Variants in TAOK1 observed in about 807,000 individuals in gnomAD.
The protein encoded by TAOK1 is TAO kinase 1.
Under a neutral mutation model 138.3 loss-of-function variants are expected in TAOK1, and 21 were observed. The observed-to-expected ratio is 0.15, with a 90% CI of 0.11 to 0.22. TAOK1 has a LOEUF of 0.22. Ranked by LOEUF, TAOK1 falls within the 10% of genes least tolerant of loss-of-function variation. The probability of loss-of-function intolerance (pLI) is 1.00; values close to 1 mark genes in which losing one functional copy is unlikely to be tolerated. For missense variants in TAOK1, 651 were observed against 1,227.7 expected (o/e 0.53, Z 7.02); for synonymous variants, 361 against 398.4 (o/e 0.91, Z 1.12).
chr17:29,443,943 C>T lies in TAOK1; in HGVS notation c.-94-7512C>T, dbSNP rs139802281. On this transcript the variant is annotated intron_variant, in intron 1 of 19. Coordinates refer to ENST00000261716, the MANE Select transcript of TAOK1 (RefSeq NM_020791.4). Reference sequence around the variant, plus strand: ...CAGCCTGCCTAACATGGTGAAACCCCGTGTCTACTAAAAATACAAAAATTA... The same window carrying T: ...CAGCCTGCCTAACATGGTGAAACCCTGTGTCTACTAAAAATACAAAAATTA... 2.4e-4 allele frequency among the ~76,000 whole-genome samples: 36 copies of T among 151,808 alleles called. No homozygotes were observed. The East Asian group carries it at 5.4e-3, about 23-fold the overall frequency.
At position 29,467,075 on chromosome 17, in the gene TAOK1, C is replaced by T. The variant is rs1251797704; in HGVS notation, c.133-70C>T. ...GGTAGTTTACAAATGCTTTTATATT[C>T]GCAAAGAAATAGTTGCCTAGATTTC... On this transcript the variant is annotated intron_variant, in intron 2 of 19. Transcript: ENST00000261716. 5 of 1,193,568 alleles carry T rather than the reference C, an allele frequency of 4.2e-6. No individual in the cohort carries two copies. The African/African-American group carries it at 4.6e-5, about 11-fold the overall frequency. The allele number at this position is 1,193,568 out of a possible 1,614,324, so 73.9% of individuals were successfully genotyped here.
intron 1 of TAOK1, among the ~76,000 whole-genome samples, chr17:29,432,009 C>G (rs1483625232): frequency 6.6e-6 from 1 of 151,940 alleles, no homozygotes; most frequent in Admixed American, 6.6e-5. Flanking sequence ...GTGCCGAGAC[C>G]AGCTCCGTGT....
At chr17:29,436,985 T>A (rs1191448160) in intron 1 of TAOK1, among the ~76,000 whole-genome samples, 1 of 152,176 alleles carries the variant, frequency 6.6e-6, no homozygotes, top group African/African-American at 2.4e-5. Context: ...TAAAATAAAA[T>A]TTGAGATTAC....
chr17:29,489,861 C>A (rs890788406), intron 9 of TAOK1, 104 bp downstream of exon 9: 4 of 666,624 alleles, frequency 6.0e-6, no homozygotes, highest in Non-Finnish European at 7.1e-6. Context: ...AAATGTATCA[C>A]CTTATAAGAT....
At position 29,545,407 on chromosome 17, in the gene TAOK1, A is replaced by G. The variant is rs2032387052; in HGVS notation, c.*2385A>G. 6.6e-6 allele frequency: 1 copy of G among 152,206 alleles called. No individual in the cohort carries two copies. Among genetic ancestry groups the G allele is most frequent in the Admixed American group, 6.5e-5 (1 of 15,272 alleles). The allele number at this position is 152,206 out of a possible 1,614,324, so 9.4% of individuals were successfully genotyped here. A position where few individuals can be genotyped will look rare whatever the true frequency, so the allele number is the denominator to read the frequency against. On this transcript the variant is annotated 3_prime_UTR_variant, in exon 20 of 20. Transcript: ENST00000261716. ...GAATAGGGAAGCAGATCACTTTTGC[A>G]TACAAAAACTCTTTCAAACCCAAAA...
chr17:29,481,408 T>C (rs532176094), intron 7 of TAOK1, among the ~76,000 whole-genome samples: 27 of 151,792 alleles, frequency 1.8e-4, no homozygotes, highest in African/African-American at 6.3e-4. Context: ...TGCTCAGGCT[T>C]CTGGAACTTC....
intron 2 of TAOK1, among the ~76,000 whole-genome samples, chr17:29,466,777 A>G (rs560032873): frequency 1.8e-3 from 274 of 148,344 alleles, no homozygotes; most frequent in South Asian, 6.3e-3. Flanking sequence ...TTAGTAATTT[A>G]TTCTTTCTTA....
At chr17:29,424,090 A>G (rs1905555391) in intron 1 of TAOK1, among the ~76,000 whole-genome samples, 1 of 149,946 alleles carries the variant, frequency 6.7e-6, no homozygotes, top group African/African-American at 2.5e-5. Flanking sequence ...ATGGCCCAGT[A>G]TATGGTGTAT....
intron 1 of TAOK1, among the ~76,000 whole-genome samples, chr17:29,421,753 C>T (rs917232926): frequency 5.3e-5 from 8 of 152,074 alleles, no homozygotes; most frequent in African/African-American, 1.9e-4. Context: ...CACATGCCAC[C>T]ACACCCAGCC....
intron 1 of TAOK1, among the ~76,000 whole-genome samples, chr17:29,434,547 G>T (rs1238331536): frequency 3.3e-5 from 5 of 152,096 alleles, no homozygotes; most frequent in Non-Finnish European, 7.4e-5. Flanking sequence ...GGCGACCTTG[G>T]CAGGTGCCAC....
chr17:29,504,225 C>T (rs1165859385), intron 13 of TAOK1, among the ~76,000 whole-genome samples: 1 of 123,206 alleles, frequency 8.1e-6, no homozygotes, highest in Non-Finnish European at 1.6e-5. Context: ...TGCAGTGAGC[C>T]GAGATCACGC....
intron 15 of TAOK1, among the ~76,000 whole-genome samples, chr17:29,516,638 A>G (rs2031821489): frequency 6.6e-6 from 1 of 151,388 alleles, no homozygotes; most frequent in Admixed American, 6.6e-5. Context: ...AGTAGCTGAC[A>G]TTACAGGTGT....
At chr17:29,403,041 A>T (rs1457703084) in intron 1 of TAOK1, among the ~76,000 whole-genome samples, 1 of 151,478 alleles carries the variant, frequency 6.6e-6, no homozygotes. Flanking sequence ...GGCACCTGCA[A>T]TCCCAGCTAC....
chr17:29,459,115 C>T (rs1276859257), intron 2 of TAOK1, among the ~76,000 whole-genome samples: 1 of 152,056 alleles, frequency 6.6e-6, no homozygotes, highest in African/African-American at 2.4e-5. Flanking sequence ...TTTCAGCTTC[C>T]TTTTCTGAGA....
intron 1 of TAOK1, among the ~76,000 whole-genome samples, chr17:29,419,583 C>T (rs1905365972): frequency 6.6e-6 from 1 of 150,554 alleles, no homozygotes; most frequent in Non-Finnish European, 1.5e-5. Context: ...GCATTCATCT[C>T]CCAGGCTCAA....
chr17:29,398,438 C>T (rs762493982), intron 1 of TAOK1, among the ~76,000 whole-genome samples: 16 of 151,974 alleles, frequency 1.1e-4, no homozygotes, highest in Non-Finnish European at 2.1e-4. Context: ...AACTCGTGAC[C>T]TCAGGTGATC....
intron 17 of TAOK1, among the ~76,000 whole-genome samples, chr17:29,529,972 A>G (rs928826306): frequency 6.6e-6 from 1 of 151,994 alleles, no homozygotes; most frequent in Non-Finnish European, 1.5e-5. Flanking sequence ...GGCTACAGTA[A>G]GCAATGGTTG....
chr17:29,523,212 G>C (rs552939105), intron 17 of TAOK1, among the ~76,000 whole-genome samples: 14 of 150,722 alleles, frequency 9.3e-5, no homozygotes, highest in Middle Eastern at 3.4e-3. Context: ...AATATGACTT[G>C]TACAAGATTT....
At chr17:29,483,982 C>T (rs1331745038) in intron 8 of TAOK1, among the ~76,000 whole-genome samples, 2 of 152,042 alleles carry the variant, frequency 1.3e-5, no homozygotes, top group Admixed American at 6.6e-5. Context: ...TACATGTGCC[C>T]CTCAGTGATA....
Sources: gnomAD v4.1 joint callset for allele counts (sites outside exome capture counted in the v4.1 genomes callset) on GRCh38, gnomAD v4.1.1 for gene constraint, MANE v1.5 for transcripts, NCBI Gene and HGNC (gene_info 2026-07-23, HGNC 2026-07-21) for gene names.